Variants in LHX8 observed in about 807,000 individuals in gnomAD.
LHX8 encodes LIM homeobox 8.
Under a neutral mutation model 40.3 loss-of-function variants are expected in LHX8, and 12 were observed. The ratio of observed to expected loss-of-function variants is 0.30; its 90% CI spans 0.19 to 0.48. The LOEUF is 0.48. LHX8 is among the 20% of genes least tolerant of loss of function. LHX8 has a pLI of 0.99. For missense variants in LHX8, 344 were observed against 433.7 expected (o/e 0.79, Z 1.84); for synonymous variants, 179 against 162.0 (o/e 1.10, Z -0.80).
chr1:75,156,486 C>T (rs564311813), intron 7 of LHX8, among the ~76,000 whole-genome samples: 2 of 152,252 alleles, frequency 1.3e-5, no homozygotes, highest in South Asian at 2.1e-4. Context: ...AGGTGATCTG[C>T]CTGCCTCAGC....
At chr1:75,149,758 G>T (rs999653600) in intron 7 of LHX8, among the ~76,000 whole-genome samples, 5 of 152,124 alleles carry the variant, frequency 3.3e-5, no homozygotes, top group Admixed American at 1.3e-4. Context: ...TGTTGCCCAG[G>T]CTGGTCTCAA....
chr1:75,182,579 G>A, the LHX8 span, among the ~76,000 whole-genome samples: 1 of 152,010 alleles, frequency 6.6e-6, no homozygotes, highest in African/African-American at 2.4e-5. Flanking sequence ...CTCCATGTTG[G>A]TCAGGCTGGG....
the LHX8 span, among the ~76,000 whole-genome samples, chr1:75,177,007 A>G: frequency 6.6e-6 from 1 of 151,832 alleles, no homozygotes; most frequent in South Asian, 2.1e-4. Flanking sequence ...TATTTCTGAG[A>G]GCTCTGTTCT....
the LHX8 span, among the ~76,000 whole-genome samples, chr1:75,196,224 G>A: frequency 1.3e-5 from 2 of 152,008 alleles, no homozygotes; most frequent in Admixed American, 1.3e-4. Flanking sequence ...GAGCACTATT[G>A]TCAATATTCT....
At chr1:75,194,042 A>G in the LHX8 span, among the ~76,000 whole-genome samples, 1 of 152,226 alleles carries the variant, frequency 6.6e-6, no homozygotes, top group Non-Finnish European at 1.5e-5. Context: ...AGAACTGTTT[A>G]GAACAATTGA....
Position 75,156,935 on chromosome 1 carries a change from A to C in LHX8, c.823A>C (p.Ser275Arg). The C allele has an allele frequency of 6.2e-7, 1 of 1,614,206 alleles. No homozygotes were observed. The highest frequency in any genetic ancestry group is 2.2e-5 in the East Asian group (1 of 44,880). The part of the protein sequence containing the change: ...NCRARHKKHV[S>R]PNHSSSTPVT... ...TAGAGCACGCCACAAGAAACACGTC[A>C]GTCCTAATCACTCATCCTCCACCCC... The change falls in exon 8 of 9, where the codon AGT (serine) becomes CGT (arginine). Residue 275 changes from serine (S) to arginine (R), a missense_variant. Physicochemically the swap from Ser to Arg is moderately radical, Grantham distance 110 (BLOSUM62 -1). Transcript: ENST00000356261.
chr1:75,138,596 T>G (rs2100334245), intron 3 of LHX8, among the ~76,000 whole-genome samples: 1 of 152,294 alleles, frequency 6.6e-6, no homozygotes, highest in African/African-American at 2.4e-5. Context: ...AAAATCATCT[T>G]TTGGGTTAAA....
At chr1:75,171,750 G>T in the LHX8 span, among the ~76,000 whole-genome samples, 1 of 152,282 alleles carries the variant, frequency 6.6e-6, no homozygotes, top group Admixed American at 6.5e-5. Context: ...CCAGGTTTCA[G>T]ACGATGACTT....
chr1:75,189,735 T>C, the LHX8 span, among the ~76,000 whole-genome samples: 1 of 152,220 alleles, frequency 6.6e-6, no homozygotes, highest in Non-Finnish European at 1.5e-5. Context: ...TAAAATGTAG[T>C]CTATCAATCA....
the LHX8 span, among the ~76,000 whole-genome samples, chr1:75,178,870 G>T: frequency 6.6e-6 from 1 of 152,270 alleles, no homozygotes; most frequent in Non-Finnish European, 1.5e-5. Flanking sequence ...CTGATACATT[G>T]TGTCTTTGTT....
At chr1:75,173,539 C>T in the LHX8 span, among the ~76,000 whole-genome samples, 27 of 151,898 alleles carry the variant, frequency 1.8e-4, no homozygotes, top group East Asian at 4.5e-3. Flanking sequence ...CCCACCACCA[C>T]GCCCAGCTAA....
At chr1:75,142,376 C>CA (rs1490819982) in intron 4 of LHX8, among the ~76,000 whole-genome samples, 1 of 152,066 alleles carries the variant, frequency 6.6e-6, no homozygotes, top group Admixed American at 6.6e-5. Flanking sequence ...GGAGACATAA[C>CA]AAAGAGTTCC....
chr1:75,178,404 G>T, the LHX8 span, among the ~76,000 whole-genome samples: 3 of 151,758 alleles, frequency 2.0e-5, no homozygotes, highest in East Asian at 1.9e-4. Flanking sequence ...GTCTTGGGGG[G>T]GTGTATGTGT....
intron 2 of LHX8, 124 bp from the exon 3 acceptor site, chr1:75,136,976 G>A: frequency 8.8e-7 from 1 of 1,133,112 alleles, no homozygotes; most frequent in Admixed American, 2.9e-5. Context: ...ACCTCAAGAA[G>A]CTGGGGGTGG....
the LHX8 span, among the ~76,000 whole-genome samples, chr1:75,185,793 AC>A: frequency 3.3e-5 from 5 of 152,142 alleles, no homozygotes; most frequent in Admixed American, 6.5e-5. Flanking sequence ...TATCTCGAAA[AC>A]CCAAGAGTCT....
At chr1:75,173,262 A>G in the LHX8 span, among the ~76,000 whole-genome samples, 1 of 151,414 alleles carries the variant, frequency 6.6e-6, no homozygotes, top group Admixed American at 6.6e-5. Context: ...CCCACAAGTT[A>G]GTTATTACCA....
chr1:75,191,291 C>T, the LHX8 span, among the ~76,000 whole-genome samples: 4 of 151,990 alleles, frequency 2.6e-5, no homozygotes, highest in African/African-American at 7.3e-5. Context: ...CTTGGTCAGA[C>T]GTGTGGAAAA....
upstream of LHX8, chr1:75,130,651 C>A (rs1647937832): frequency 7.0e-7 from 1 of 1,429,546 alleles, no homozygotes; most frequent in African/African-American, 1.4e-5. Context: ...AGGTATAAAA[C>A]GGAGTCTGGG....
chr1:75,129,451 A>G (rs551090666), upstream of LHX8, among the ~76,000 whole-genome samples: 1 of 152,228 alleles, frequency 6.6e-6, no homozygotes, highest in Admixed American at 6.5e-5. Flanking sequence ...TTTTTTTTGT[A>G]AAAGCATAGC....
Sources: gnomAD v4.1 joint callset for allele counts (sites outside exome capture counted in the v4.1 genomes callset) on GRCh38, gnomAD v4.1.1 for gene constraint, MANE v1.5 for transcripts, NCBI Gene and HGNC (gene_info 2026-07-23, HGNC 2026-07-21) for gene names.